Variants in PHACTR1 observed in about 807,000 individuals in gnomAD.
The protein encoded by PHACTR1 is phosphatase and actin regulator 1, also known as RPEL repeat containing 1.
Under a neutral mutation model 69.2 loss-of-function variants are expected in PHACTR1, and 16 were observed. That is an observed-to-expected ratio of 0.23 (90% CI 0.16 to 0.35). The LOEUF is 0.35. Among genes scored for constraint, PHACTR1 ranks in the 10% least tolerant of loss-of-function variants. The probability of loss-of-function intolerance (pLI) is 1.00; values close to 1 mark genes in which losing one functional copy is unlikely to be tolerated. For missense variants in PHACTR1, 510 were observed against 734.7 expected, an observed-to-expected ratio of 0.69 and a Z score of 3.54; for synonymous variants, 312 against 284.5, an observed-to-expected ratio of 1.10 and a Z score of -0.97.
intron 7 of PHACTR1, among the ~76,000 whole-genome samples, chr6:13,187,943 A>G (rs1763026678): frequency 1.3e-5 from 2 of 152,342 alleles, no homozygotes; most frequent in South Asian, 2.1e-4. Flanking sequence ...TATCTCATTA[A>G]TGGAGACAAA....
chr6:13,189,963 C>T (rs1763298048), intron 7 of PHACTR1, among the ~76,000 whole-genome samples: 1 of 151,320 alleles, frequency 6.6e-6, no homozygotes, highest in African/African-American at 2.4e-5. Context: ...TAGACAGCTC[C>T]CTTCTCTCTA....
intron 5 of PHACTR1, among the ~76,000 whole-genome samples, chr6:13,091,763 AC>A (rs1813317883): frequency 6.6e-6 from 1 of 152,072 alleles, no homozygotes. Context: ...GAAGCGGGCA[AC>A]CTAGATCCCT....
At chr6:13,161,473 C>G (rs185083892) in intron 6 of PHACTR1, among the ~76,000 whole-genome samples, 89 of 152,142 alleles carry the variant, frequency 5.8e-4, no homozygotes, top group African/African-American at 2.0e-3. Context: ...TTTTCTATGT[C>G]AGGTCTTCTG....
At chr6:12,822,335 G>A (rs1043797151) in intron 4 of PHACTR1, among the ~76,000 whole-genome samples, 10 of 152,150 alleles carry the variant, frequency 6.6e-5, no homozygotes, top group Non-Finnish European at 1.5e-4. Flanking sequence ...GTGTGACAAC[G>A]GACTTCTAAG....
At chr6:13,025,092 C>T (rs1030992525) in intron 4 of PHACTR1, among the ~76,000 whole-genome samples, 7 of 151,836 alleles carry the variant, frequency 4.6e-5, no homozygotes, top group Non-Finnish European at 1.0e-4. Flanking sequence ...ACCATCACTA[C>T]AAAAATACAA....
intron 4 of PHACTR1, among the ~76,000 whole-genome samples, chr6:12,753,374 GCTGAAA>G (rs1766858843): frequency 6.6e-6 from 1 of 152,164 alleles, no homozygotes; most frequent in Non-Finnish European, 1.5e-5. Context: ...CATAGAAGCT[GCTGAAA>G]CTGAAAAACT....
chr6:12,962,683 A>T (rs974924950), intron 4 of PHACTR1, among the ~76,000 whole-genome samples: 7 of 152,276 alleles, frequency 4.6e-5, no homozygotes, highest in African/African-American at 1.7e-4. Context: ...GTACCTAACA[A>T]GTTTTGCAGC....
At chr6:12,833,359 C>T (rs989117566) in intron 4 of PHACTR1, among the ~76,000 whole-genome samples, 18 of 151,684 alleles carry the variant, frequency 1.2e-4, no homozygotes, top group Non-Finnish European at 2.1e-4. Context: ...CCCAGGTTCA[C>T]GCCATTCTCC....
intron 5 of PHACTR1, among the ~76,000 whole-genome samples, chr6:13,058,612 G>A (rs1166265285): frequency 1.3e-5 from 2 of 152,196 alleles, no homozygotes; most frequent in African/African-American, 4.8e-5. Flanking sequence ...AGTCTCACCT[G>A]TGATAAGGGC....
At chr6:12,927,950 G>A (rs1347108340) in intron 4 of PHACTR1, among the ~76,000 whole-genome samples, 2 of 152,198 alleles carry the variant, frequency 1.3e-5, no homozygotes, top group Non-Finnish European at 2.9e-5. Flanking sequence ...TGCTGACCGT[G>A]GGTGTCTCTT....
rs551817979 is a variant in PHACTR1 at position 13,089,068 on chromosome 6, G to A, written c.415+35539G>A. On this transcript the variant is annotated intron_variant, in intron 5 of 14. Coordinates refer to ENST00000332995, the MANE Select transcript of PHACTR1 (RefSeq NM_030948.6). ...TGTCTCCTTTACCTTCTCTGTCACT[G>A]TGCAATCAGACAGGGACCTTCTACA... Among the ~76,000 whole-genome samples, 75 of 152,326 alleles carry A rather than the reference G, an allele frequency of 4.9e-4. No individual in the cohort carries two copies. In the Middle Eastern group the frequency reaches 0.014, roughly 28 times the overall value.
intron 13 of PHACTR1, among the ~76,000 whole-genome samples, chr6:13,284,203 G>A (rs1584465810): frequency 6.6e-6 from 1 of 151,740 alleles, no homozygotes; most frequent in South Asian, 2.1e-4. Context: ...AGGAGCTGGA[G>A]GGTTAAGGGC....
intron 4 of PHACTR1, among the ~76,000 whole-genome samples, chr6:12,970,569 G>C (rs1794074276): frequency 6.6e-6 from 1 of 152,144 alleles, no homozygotes. Context: ...GATCATCCTG[G>C]CCAACATGAA....
At chr6:13,119,130 A>G (rs1818267494) in intron 5 of PHACTR1, among the ~76,000 whole-genome samples, 1 of 152,106 alleles carries the variant, frequency 6.6e-6, no homozygotes. Flanking sequence ...TTTAAACTTC[A>G]TTTCTGTTTC....
At chr6:13,200,975 A>G (rs375996179) in intron 7 of PHACTR1, among the ~76,000 whole-genome samples, 80 of 152,140 alleles carry the variant, frequency 5.3e-4, no homozygotes, top group African/African-American at 1.7e-3. Context: ...AATTAAAAAA[A>G]GAAAGAAATA....
chr6:12,918,939 G>A (rs987470485), intron 4 of PHACTR1, among the ~76,000 whole-genome samples: 1 of 152,160 alleles, frequency 6.6e-6, no homozygotes. Flanking sequence ...TTTTTAAAAT[G>A]CAGTTGTTTT....
chr6:13,189,573 A>AT (rs1235278513), intron 7 of PHACTR1, among the ~76,000 whole-genome samples: 1 of 151,848 alleles, frequency 6.6e-6, no homozygotes, highest in African/African-American at 2.4e-5. Flanking sequence ...TAACTTTTGT[A>AT]TTTTTTTGTA....
intron 5 of PHACTR1, among the ~76,000 whole-genome samples, chr6:13,120,070 C>T (rs1391012703): frequency 2.6e-5 from 4 of 152,200 alleles, no homozygotes; most frequent in Non-Finnish European, 5.9e-5. Context: ...AAATACCTCT[C>T]CTGGTGCCTC....
At chr6:13,186,456 G>A (rs765349287) in intron 7 of PHACTR1, among the ~76,000 whole-genome samples, 2 of 152,146 alleles carry the variant, frequency 1.3e-5, no homozygotes, top group African/African-American at 2.4e-5. Flanking sequence ...AATCGCAACA[G>A]CAAACAACTG....
Sources: gnomAD v4.1 joint callset for allele counts (sites outside exome capture counted in the v4.1 genomes callset) on GRCh38, gnomAD v4.1.1 for gene constraint, MANE v1.5 for transcripts, NCBI Gene and HGNC (gene_info 2026-07-23, HGNC 2026-07-21) for gene names.